The following TBC1D32 variants were observed in gnomAD, a reference collection of about 807,000 sequenced individuals.
The protein encoded by TBC1D32 is TBC1 domain family member 32.
In TBC1D32, 151 loss-of-function variants were observed where a neutral mutation model predicts 170.3. The observed-to-expected ratio is 0.89, with a 90% CI of 0.78 to 1.01. The LOEUF is 1.01. Ranked by LOEUF, TBC1D32 falls within the 50% of genes least tolerant of loss-of-function variation. The probability of loss-of-function intolerance (pLI) is 0.00; values close to 1 mark genes in which losing one functional copy is unlikely to be tolerated. For missense variants in TBC1D32, 1,464 were observed against 1,457.1 expected, an observed-to-expected ratio of 1.00 and a Z score of -0.08; for synonymous variants, 498 against 488.0, an observed-to-expected ratio of 1.02 and a Z score of -0.27.
intron 12 of TBC1D32, among the ~76,000 whole-genome samples, chr6:121,286,332 G>C (rs1039352330): frequency 6.6e-6 from 1 of 152,136 alleles, no homozygotes; most frequent in African/African-American, 2.4e-5. Context: ...CGAGAACTAC[G>C]TGACGAATGC....
In TBC1D32 at chr6:121,296,514, T is replaced by G. The variant is rs140530209; in HGVS notation, c.1141-1854A>C. On this transcript the variant is annotated intron_variant, in intron 10 of 31. Coordinates refer to ENST00000398212, the MANE Select transcript of TBC1D32 (RefSeq NM_152730.6). Reference sequence around the variant, plus strand: ...AATGTTTGCCTCCTACTGTGTTACTTATCTCAATGAATGACATTAGTCAAT... The same window carrying G: ...AATGTTTGCCTCCTACTGTGTTACTGATCTCAATGAATGACATTAGTCAAT... Among the ~76,000 whole-genome samples, 5 of 152,154 alleles carry G rather than the reference T, an allele frequency of 3.3e-5. No individual in the cohort carries two copies. The South Asian group carries it at 1.0e-3, about 32-fold the overall frequency.
chr6:121,191,999 T>G (rs540953798), intron 22 of TBC1D32, among the ~76,000 whole-genome samples: 1 of 151,146 alleles, frequency 6.6e-6, no homozygotes, highest in East Asian at 2.0e-4. Flanking sequence ...CTCCTTGCTC[T>G]TCAAGCTCAC....
chr6:121,141,683 T>C (rs1183006924), intron 24 of TBC1D32, among the ~76,000 whole-genome samples: 2 of 152,030 alleles, frequency 1.3e-5, no homozygotes, highest in East Asian at 1.9e-4. Flanking sequence ...ACATAGATTA[T>C]CATATAATCC....
intron 24 of TBC1D32, among the ~76,000 whole-genome samples, chr6:121,136,483 C>T (rs1487783753): frequency 3.3e-5 from 5 of 152,080 alleles, no homozygotes; most frequent in Admixed American, 2.6e-4. Context: ...GTTTTATTGG[C>T]ATCAAGTGGA....
intron 15 of TBC1D32, among the ~76,000 whole-genome samples, chr6:121,266,161 T>C (rs558720198): frequency 8.5e-5 from 13 of 152,244 alleles, no homozygotes; most frequent in Admixed American, 2.6e-4. Flanking sequence ...AGAAAATTTT[T>C]GCAATGTACC....
At chr6:121,188,729 A>C (rs1789543762) in intron 22 of TBC1D32, among the ~76,000 whole-genome samples, 2 of 152,252 alleles carry the variant, frequency 1.3e-5, no homozygotes, top group African/African-American at 4.8e-5. Context: ...ATTCTTAAAA[A>C]CCTTCCCATA....
chr6:121,144,838 A>T (rs1783216309), intron 24 of TBC1D32, among the ~76,000 whole-genome samples: 1 of 152,184 alleles, frequency 6.6e-6, no homozygotes, highest in African/African-American at 2.4e-5. Flanking sequence ...CAAAGTTTAA[A>T]CGTTAGAGAG....
intron 24 of TBC1D32, among the ~76,000 whole-genome samples, chr6:121,149,738 G>A (rs542526556): frequency 2.6e-5 from 4 of 152,122 alleles, no homozygotes; most frequent in East Asian, 3.9e-4. Flanking sequence ...TTTGCTATAC[G>A]GGCTCTCTAT....
At chr6:121,134,636 C>G (rs932716319) in intron 24 of TBC1D32, among the ~76,000 whole-genome samples, 7 of 152,192 alleles carry the variant, frequency 4.6e-5, no homozygotes, top group Admixed American at 3.3e-4. Context: ...CCCCAGCCAC[C>G]ATTGAGAGTA....
intron 27 of TBC1D32, among the ~76,000 whole-genome samples, chr6:121,113,449 C>T (rs1779393693): frequency 6.6e-6 from 1 of 152,102 alleles, no homozygotes; most frequent in South Asian, 2.1e-4. Context: ...TGAACTTAAT[C>T]TAAAACATGG....
chr6:121,282,040 C>T (rs1335960693), intron 13 of TBC1D32, among the ~76,000 whole-genome samples: 2 of 151,666 alleles, frequency 1.3e-5, no homozygotes, highest in Non-Finnish European at 3.0e-5. Flanking sequence ...CTAGAATACA[C>T]TTTTACCATA....
chr6:121,188,145 T>G (rs1789444588), intron 22 of TBC1D32, among the ~76,000 whole-genome samples: 2 of 152,132 alleles, frequency 1.3e-5, no homozygotes, highest in African/African-American at 4.8e-5. Context: ...AAGGAGATAT[T>G]AAGAGTACCT....
chr6:121,098,841 A>T (rs1471526022), intron 30 of TBC1D32, among the ~76,000 whole-genome samples: 1 of 151,914 alleles, frequency 6.6e-6, no homozygotes, highest in Non-Finnish European at 1.5e-5. Context: ...AAGTACTGAC[A>T]AGCAAAAATA....
rs557850094 is a variant in TBC1D32, at chr6:121,233,615, G to A, written c.2364+5455C>T. On this transcript the variant is annotated intron_variant, in intron 20 of 31. Transcript: ENST00000398212. ...ATGTGAGTCCTTATGGGTTAGGTGA[G>A]TCTCCTGAAGATAGCAGTACCTTGG... 4.6e-5 allele frequency among the ~76,000 whole-genome samples: 7 copies of A among 152,200 alleles called. No individual in the cohort carries two copies. In the South Asian group the frequency reaches 1.5e-3, roughly 32 times the overall value.
intron 29 of TBC1D32, among the ~76,000 whole-genome samples, chr6:121,108,517 G>C (rs1778909824): frequency 2.0e-5 from 3 of 151,886 alleles, no homozygotes; most frequent in Admixed American, 6.6e-5. Flanking sequence ...ACTACGCTAA[G>C]ACAAAGTGCA....
chr6:121,090,791 A>G (rs752267946), intron 31 of TBC1D32, 62 bp downstream of exon 31: 25 of 1,471,018 alleles, frequency 1.7e-5, no homozygotes, highest in Non-Finnish European at 2.3e-5. Context: ...AAAGTATCTA[A>G]TATTAAGCAA....
chr6:121,204,418 T>C (rs1319669183), intron 22 of TBC1D32, among the ~76,000 whole-genome samples: 1 of 151,274 alleles, frequency 6.6e-6, no homozygotes, highest in East Asian at 1.9e-4. Flanking sequence ...ACTTTGCTAA[T>C]AGAAAAGAAA....
intron 26 of TBC1D32, among the ~76,000 whole-genome samples, chr6:121,118,567 C>T (rs534406091): frequency 6.6e-6 from 1 of 152,268 alleles, no homozygotes; most frequent in African/African-American, 2.4e-5. Context: ...TAAATCTATT[C>T]TGCCTGGCAC....
At chr6:121,191,211 T>C (rs1457789892) in intron 22 of TBC1D32, among the ~76,000 whole-genome samples, 1 of 152,218 alleles carries the variant, frequency 6.6e-6, no homozygotes, top group Non-Finnish European at 1.5e-5. Flanking sequence ...TGCACACCCA[T>C]GTGCACACAT....
Sources: gnomAD v4.1 joint callset for allele counts (sites outside exome capture counted in the v4.1 genomes callset) on GRCh38, gnomAD v4.1.1 for gene constraint, MANE v1.5 for transcripts, NCBI Gene and HGNC (gene_info 2026-07-23, HGNC 2026-07-21) for gene names.